TOP2A: variants seen among roughly 807,000 people sequenced by gnomAD.
The protein encoded by TOP2A is DNA topoisomerase 2-alpha.
A neutral mutation model predicts 187.2 loss-of-function variants in TOP2A; 68 were observed. The observed-to-expected ratio is 0.36, with a 90% CI of 0.30 to 0.44. The LOEUF (loss-of-function observed/expected upper bound fraction) is 0.44. Ranked by LOEUF, TOP2A falls within the 20% of genes least tolerant of loss-of-function variation. The probability of loss-of-function intolerance (pLI) is 1.00; values close to 1 mark genes in which losing one functional copy is unlikely to be tolerated. For synonymous variants in TOP2A, 542 were observed against 593.2 expected, an observed-to-expected ratio of 0.91 and a Z score of 1.25; for missense variants, 1,196 against 1,808.7, an observed-to-expected ratio of 0.66 and a Z score of 6.14.
chr17:40,409,856 G>A (rs1273582340), intron 10 of TOP2A: 1 of 164,542 alleles, frequency 6.1e-6, no homozygotes, highest in East Asian at 1.9e-4. Flanking sequence ...GAGATGGGTG[G>A]ATCATTTGAG....
At position 40,416,079 on chromosome 17, in the gene TOP2A, AT is replaced by A. The variant is rs749094997; in HGVS notation, c.269-12del. On this transcript the variant is annotated splice_polypyrimidine_tract_variant and intron_variant, in intron 3 of 34. Transcript: ENST00000423485. ...TGTCCGCAGCATTAACTGAAAGAAA[AT>A]AAAATATACATTTGTAAGAAATTAG... The A allele has an allele frequency of 1.8e-5, 27 of 1,539,844 alleles. No homozygotes were observed. The highest frequency in any genetic ancestry group is 2.3e-5 in the Non-Finnish European group (26 of 1,129,972).
In TOP2A at chr17:40,399,103, T is replaced by C. The variant is rs559893024; in HGVS notation, c.3225A>G (p.Lys1075=). The C allele has an allele frequency of 3.2e-5, 50 of 1,569,194 alleles. 1 individual carries two copies. In the South Asian group the frequency reaches 5.6e-4, roughly 18 times the overall value. The change falls in exon 25 of 35, where the codon AAA becomes AAG. Residue 1075 remains lysine, a synonymous_variant. Coordinates refer to ENST00000423485, the MANE Select transcript of TOP2A (RefSeq NM_001067.4). ...AATCATATCCCCTCTGAATCAGAAC[T>C]TTAATTAATTCTTTCTTAGGCTTAT... The part of the protein sequence containing the change: ...IENKPKKELI[K]VLIQRGYDSD...
intron 27 of TOP2A, among the ~76,000 whole-genome samples, chr17:40,396,889 GTTTT>G (rs1046671324): frequency 9.0e-5 from 13 of 145,074 alleles, no homozygotes; most frequent in Non-Finnish European, 1.1e-4. Flanking sequence ...GCTTTTGGTG[GTTTT>G]TTTTTTGTTT....
At chr17:40,409,374 CA>C (rs747082446) in intron 10 of TOP2A, 9,550 of 315,652 alleles carry the variant, frequency 0.03, 53 homozygotes, top group Non-Finnish European at 0.037. Context: ...AAGCTGTCTC[CA>C]AAAAAAAAAA....
chr17:40,417,690 G>C, intron 1 of TOP2A, 81 bp downstream of exon 1: 1 of 1,601,396 alleles, frequency 6.2e-7, no homozygotes, highest in Non-Finnish European at 8.5e-7. Flanking sequence ...CGCAGCCCCA[G>C]AGCTTCACCC....
intron 23 of TOP2A, 44 bp from the exon 24 acceptor site, chr17:40,400,111 G>T: frequency 1.3e-6 from 2 of 1,592,422 alleles, no homozygotes; most frequent in Non-Finnish European, 1.7e-6. Context: ...AGACAAATTG[G>T]CTAAACTTTA....
rs375439869 is a variant in TOP2A, at chr17:40,413,538, G to A, written c.420C>T (p.Leu140=). The stretch of plus-strand genomic sequence containing the variant: ...TAGAAGTTAGGAGCTGTCCAAATAT[G>A]AGAGCTGGGACATACATCTTTTCAA... ...HKVEKMYVPA[L]IFGQLLTSSN... The change falls in exon 5 of 35, where the codon CTC becomes CTT. Residue 140 remains leucine, a synonymous_variant. Transcript: ENST00000423485. 2.6e-6 allele frequency: 4 copies of A among 1,542,156 alleles called. No homozygotes were observed. Among genetic ancestry groups the A allele is most frequent in the Non-Finnish European group, 3.5e-6 (4 of 1,141,298 alleles).
chr17:40,415,982 C>T (rs1044111239), intron 4 of TOP2A, 23 bp downstream of exon 4: 2 of 1,545,468 alleles, frequency 1.3e-6, no homozygotes, highest in Non-Finnish European at 1.8e-6. Flanking sequence ...AGCTACATAA[C>T]AAAAACTAAG....
chr17:40,402,913 T>C lies in TOP2A; in HGVS notation c.2425A>G (p.Met809Val), dbSNP rs926287896. ...DSASPRYIFT[M>V]LSSLARLLFP... is the part of the protein sequence containing the mutation. ...AAGTGAAAGCATACCTACCTGAGCATTGTAAAGATGTATCGTGGACTAGCA... is the reference window on the plus strand; with the variant it reads ...AAGTGAAAGCATACCTACCTGAGCACTGTAAAGATGTATCGTGGACTAGCA... Residue 809 changes from methionine to valine, a missense_variant, in exon 20 of 35, where the codon ATG becomes GTG. Around this residue, in one of 10 missense-constraint regions of TOP2A, gnomAD observed 209 missense variants for 376.9 expected, o/e 0.55. Coordinates refer to ENST00000423485, the MANE Select transcript of TOP2A (RefSeq NM_001067.4). 3 of 1,606,172 alleles carry C rather than the reference T, an allele frequency of 1.9e-6. No individual in the cohort carries two copies. The highest frequency in any genetic ancestry group is 1.3e-5 in the African/African-American group (1 of 74,948).
rs1269947285 is a variant in TOP2A at position 40,411,162 on chromosome 17, G to C, written c.1150C>G (p.Gln384Glu). Residue 384 changes from glutamine (Q) to glutamate (E), a missense_variant, in exon 10 of 35, where the codon CAA (glutamine) becomes GAA (glutamate). By Grantham distance (29) the Gln-to-Glu change is conservative (BLOSUM62 2). This residue lies in a region of TOP2A where 252 missense variants were observed against 434.8 expected (regional missense o/e 0.58). Transcript: ENST00000423485. The surrounding 1 kb of genome is among the most constrained non-coding windows in gnomAD (Gnocchi z 4.4). The part of the protein sequence containing the change: ...DSQTKENMTL[Q>E]PKSFGSTCQL... ...CATGTTGATCCAAAGCTCTTGGGTT[G>C]TAAAGTCATGTTTTCTTTTGTCTGA... The C allele has an allele frequency of 6.2e-7, 1 of 1,613,262 alleles. No individual in the cohort carries two copies. Among genetic ancestry groups the C allele is most frequent in the Non-Finnish European group, 8.5e-7 (1 of 1,179,620 alleles).
intron 33 of TOP2A, among the ~76,000 whole-genome samples, chr17:40,390,956 T>A (rs2035015893): frequency 6.6e-6 from 1 of 152,142 alleles, no homozygotes; most frequent in South Asian, 2.1e-4. Context: ...GAATACGTTT[T>A]ACGTTAAACA....
rs2035214659 is a variant in TOP2A at position 40,404,387 on chromosome 17, A to G, written c.2151T>C (p.Ser717=). ...SNSDNERSIP[S]MVDGLKPGQR... Reference sequence around the variant, plus strand: ...CAAATTGGAACTCACCATCCACCATAGAAGGGATAGATCTCTCGTTATCAG... The same window carrying G: ...CAAATTGGAACTCACCATCCACCATGGAAGGGATAGATCTCTCGTTATCAG... The change falls in exon 18 of 35, where the codon TCT becomes TCC. Residue 717 remains serine (S), a synonymous_variant. Transcript: ENST00000423485. 1 of 1,608,342 alleles carries G rather than the reference A, an allele frequency of 6.2e-7. No individual in the cohort carries two copies.
chr17:40,395,555 G>T lies in TOP2A; in HGVS notation c.3721-16C>A, dbSNP rs1200986153. ...TATTTTCATTCTAAAAGATAGCAAA[G>T]TTAGGGTTGGATATAGAATAAATTC... is the stretch of plus-strand genomic sequence containing the variant. On this transcript the variant is annotated splice_polypyrimidine_tract_variant and intron_variant, in intron 28 of 34. Transcript: ENST00000423485. 1.3e-6 allele frequency: 2 copies of T among 1,547,718 alleles called. No homozygotes were observed. Among genetic ancestry groups the T allele is most frequent in the Non-Finnish European group, 8.9e-7 (1 of 1,125,340 alleles).
chr17:40,390,077 G>A lies in TOP2A; in HGVS notation c.4355C>T (p.Ser1452Phe), dbSNP rs189054152. ...GGTTTTGGCAGGATCAGGCTTTTGA[G>A]AGACACCAGAATTCAAAGCTGGATC... ...KRDPALNSGV[S>F]QKPDPAKTKN... The change falls in exon 34 of 35, where the codon TCT becomes TTT. Residue 1452 changes from serine to phenylalanine, a missense_variant. By Grantham distance (155) the Ser-to-Phe change is radical. Around this residue, in one of 10 missense-constraint regions of TOP2A, gnomAD observed 374 missense variants for 403.3 expected, o/e 0.93. Coordinates refer to ENST00000423485, the MANE Select transcript of TOP2A (RefSeq NM_001067.4). 3.1e-5 allele frequency: 50 copies of A among 1,613,842 alleles called. No homozygotes were observed. In the Admixed American group the frequency reaches 8.3e-4, roughly 27 times the overall value.
intron 19 of TOP2A, 98 bp downstream of exon 19, chr17:40,404,054 G>A (rs1428886629): frequency 3.4e-6 from 5 of 1,454,588 alleles, no homozygotes; most frequent in Non-Finnish European, 4.6e-6. Flanking sequence ...TCTTTACTAT[G>A]AATATATGAG....
chr17:40,401,446 G>A (rs780802933), intron 20 of TOP2A, among the ~76,000 whole-genome samples: 1 of 152,046 alleles, frequency 6.6e-6, no homozygotes, highest in Non-Finnish European at 1.5e-5. Context: ...GCAGTAACTC[G>A]CGCCTGTAAT....
chr17:40,396,422 G>C lies in TOP2A; in HGVS notation c.3581C>G (p.Pro1194Arg), dbSNP rs202201081. The C allele has an allele frequency of 3.1e-4, 496 of 1,613,814 alleles. 2 individuals are homozygous for C. The Middle Eastern group carries it at 8.1e-3, about 26-fold the overall frequency. Residue 1194 changes from proline (P) to arginine (R), a missense_variant, in exon 28 of 35, where the codon CCT becomes CGT. Physicochemically the swap from Pro to Arg is moderately radical, Grantham distance 103 (BLOSUM62 -2). Around this residue, in one of 10 missense-constraint regions of TOP2A, gnomAD observed 374 missense variants for 403.3 expected, o/e 0.93. Coordinates refer to ENST00000423485, the MANE Select transcript of TOP2A (RefSeq NM_001067.4). The part of the protein sequence containing the change: ...KEKQDEQVGL[P>R]GKGGKAKGKK... ...CCCCTTGGCCTTCCCCCCTTTCCCAGGAAGTCCGACTTGTTCATCTTGTTT... is the reference window on the plus strand; with the variant it reads ...CCCCTTGGCCTTCCCCCCTTTCCCACGAAGTCCGACTTGTTCATCTTGTTT...
Position 40,401,099 on chromosome 17 carries a change from A to G in TOP2A, c.2433-18T>C, listed in dbSNP as rs776649922. 12 of 1,596,680 alleles carry G rather than the reference A, an allele frequency of 7.5e-6. No homozygotes were observed. The African/African-American group carries it at 1.3e-4, about 18-fold the overall frequency. ...CCAAAGAGCTAAAGAAAAGAAACAAAGAATGTTATTTTACAAAAATACTGA... is the reference window on the plus strand; with the variant it reads ...CCAAAGAGCTAAAGAAAAGAAACAAGGAATGTTATTTTACAAAAATACTGA... On this transcript the variant is annotated intron_variant, in intron 20 of 34. Coordinates refer to ENST00000423485, the MANE Select transcript of TOP2A (RefSeq NM_001067.4).
chr17:40,414,057 G>GA (rs536552520), intron 4 of TOP2A, among the ~76,000 whole-genome samples: 1,886 of 149,258 alleles, frequency 0.013, 20 homozygotes, highest in Non-Finnish European at 0.018. Context: ...GAGTCAAGAG[G>GA]AAAAAAAAAC....
Sources: gnomAD v4.1 joint callset for allele counts (sites outside exome capture counted in the v4.1 genomes callset) on GRCh38, gnomAD v4.1.1 for gene constraint, gnomAD v4.1.1 regional missense constraint, Gnocchi (gnomAD v3.1) non-coding constraint, MANE v1.5 for transcripts, NCBI Gene and HGNC (gene_info 2026-07-23, HGNC 2026-07-21) for gene names.